Variants in PHACTR2 observed in about 807,000 individuals in gnomAD.
PHACTR2 encodes the protein phosphatase and actin regulator 2.
A neutral mutation model predicts 76.0 loss-of-function variants in PHACTR2; 30 were observed. The ratio of observed to expected loss-of-function variants is 0.39; its 90% CI spans 0.30 to 0.54. The LOEUF is 0.54. Among genes scored for constraint, PHACTR2 ranks in the 20% least tolerant of loss-of-function variants. The pLI is 0.61. For missense variants in PHACTR2, 696 were observed against 781.1 expected (o/e 0.89, Z 1.30); for synonymous variants, 292 against 292.5 (o/e 1.00, Z 0.02).
rs1051522186 is a variant in PHACTR2 at position 143,751,515 on chromosome 6, G to A, written c.296-2239G>A. The stretch of plus-strand genomic sequence containing the variant: ...TGTCACTTGCCTTTTGGTCATACAT[G>A]ATTTTCTCTTTCTATCTGTCCCTCC... On this transcript the variant is annotated intron_variant, in intron 3 of 12. Transcript: ENST00000440869. This position sits in a 1 kb window ranked among gnomAD's most constrained non-coding sequence, Gnocchi z 5.7. Among the ~76,000 whole-genome samples the A allele has an allele frequency of 2.6e-5, 4 of 151,978 alleles. No homozygotes were observed. Among genetic ancestry groups the A allele is most frequent in the Admixed American group, 6.6e-5 (1 of 15,248 alleles).
At chr6:143,701,089 G>A (rs764023928) in intron 1 of PHACTR2, among the ~76,000 whole-genome samples, 4 of 152,166 alleles carry the variant, frequency 2.6e-5, no homozygotes, top group African/African-American at 4.8e-5. Flanking sequence ...AAATAAGAGC[G>A]ACTTTATTTA....
intron 1 of PHACTR2, among the ~76,000 whole-genome samples, chr6:143,576,160 T>C (rs1775504475): frequency 6.6e-6 from 1 of 152,262 alleles, no homozygotes; most frequent in Non-Finnish European, 1.5e-5. Context: ...CACATTAGAT[T>C]ACTCTTTGTG....
chr6:143,817,900 T>C (rs564908617), intron 12 of PHACTR2, among the ~76,000 whole-genome samples: 2 of 152,236 alleles, frequency 1.3e-5, no homozygotes, highest in African/African-American at 4.8e-5. Context: ...TACAGCTAGA[T>C]GGGTGGAATA....
chr6:143,753,772 A>T lies in PHACTR2; in HGVS notation c.314A>T (p.Asn105Ile). The change falls in exon 4 of 13, where the codon AAC becomes ATC. Residue 105 changes from asparagine (N) to isoleucine (I), a missense_variant. Asn to Ile is a moderately radical substitution (Grantham distance 149). Coordinates refer to ENST00000440869, the MANE Select transcript of PHACTR2 (RefSeq NM_001100164.2). The surrounding 1 kb of genome is among the most constrained non-coding windows in gnomAD (Gnocchi z 4.6). ...ATTTTAGATGGAGATGTAACAGTTA[A>T]CTTTGAAAATTCAAACGGGCACATG... ...LPDQDGDVTV[N>I]FENSNGHMIP... is the part of the protein sequence containing the mutation. 6.3e-7 allele frequency: 1 copy of T among 1,599,198 alleles called. No individual in the cohort carries two copies. The highest frequency in any genetic ancestry group is 8.5e-7 in the Non-Finnish European group (1 of 1,175,940).
intron 1 of PHACTR2, among the ~76,000 whole-genome samples, chr6:143,552,631 C>T (rs1457681967): frequency 7.2e-5 from 11 of 152,046 alleles, no homozygotes; most frequent in East Asian, 1.9e-4. Context: ...AGGCTGGATG[C>T]GGTGGCTCAT....
chr6:143,635,827 G>T, intron 1 of PHACTR2, among the ~76,000 whole-genome samples: 1 of 152,078 alleles, frequency 6.6e-6, no homozygotes, highest in Admixed American at 6.5e-5. Context: ...ATGTAAATAA[G>T]AAAGCTTTTC....
In PHACTR2 at chr6:143,829,777, T is replaced by G. The variant is rs140308451; in HGVS notation, c.*6088T>G. The G allele has an allele frequency of 6.6e-6, 1 of 152,358 alleles. No homozygotes were observed. The highest frequency in any genetic ancestry group is 1.9e-4 in the East Asian group (1 of 5,192). 9.4% of individuals were successfully genotyped at this position (152,358 alleles called of 1,614,324 possible). A position where few individuals can be genotyped will look rare whatever the true frequency, so the allele number is the denominator to read the frequency against. On this transcript the variant is annotated 3_prime_UTR_variant, in exon 13 of 13. Transcript: ENST00000440869. ...AACATTAAAGTTTCTAAATTGTTTT[T>G]GGGGCCGAGTAACGCAGAGTCAATA...
In PHACTR2 at chr6:143,549,347, C is replaced by T. The variant is rs553155417; in HGVS notation, c.217+12140C>T. ...GTGACCCTGGATTCAGAGGCCTGCT[C>T]GGGGTGCGGGATGGCATTCCTTTGG... On this transcript the variant is annotated intron_variant, in intron 1 of 11. Coordinates refer to the PHACTR2 transcript ENST00000367584. This position sits in a 1 kb window ranked among gnomAD's most constrained non-coding sequence, Gnocchi z 4.2. Among the ~76,000 whole-genome samples, 13 of 152,142 alleles carry T rather than the reference C, an allele frequency of 8.5e-5. No homozygotes were observed. The highest frequency in any genetic ancestry group is 2.9e-4 in the African/African-American group (12 of 41,508).
rs1160697608 is a variant in PHACTR2 at position 143,581,762 on chromosome 6, G to A, written c.217+44555G>A. ...AGGAGGATCACCTGAGCCTGGGAAA[G>A]TCGAGGCTGCAGTGAGCCATGATCA... On this transcript the variant is annotated intron_variant, in intron 1 of 11. Coordinates refer to the PHACTR2 transcript ENST00000367584. This position sits in a 1 kb window ranked among gnomAD's most constrained non-coding sequence, Gnocchi z 4.5. Among the ~76,000 whole-genome samples the A allele has an allele frequency of 1.3e-5, 2 of 152,070 alleles. No homozygotes were observed. Among genetic ancestry groups the A allele is most frequent in the Non-Finnish European group, 1.5e-5 (1 of 68,010 alleles).
chr6:143,568,371 T>C (rs1412736203), intron 1 of PHACTR2, among the ~76,000 whole-genome samples: 3 of 152,208 alleles, frequency 2.0e-5, no homozygotes, highest in Non-Finnish European at 2.9e-5. Context: ...AATAAGGTGT[T>C]AATGTCTATC....
chr6:143,783,376 A>G lies in PHACTR2; in HGVS notation c.1707+96A>G, dbSNP rs778339625. The G allele has an allele frequency of 3.4e-5, 24 of 699,754 alleles. No individual in the cohort carries two copies. The African/African-American group carries it at 4.0e-4, about 12-fold the overall frequency. The allele number at this position is 699,754 out of a possible 1,614,324, so 43.3% of individuals were successfully genotyped here. ...CTCTGTATGTGTAAATCAGATGTTT[A>G]GAAATAATTATTCCTATTAGTCTAT... On this transcript the variant is annotated intron_variant, in intron 10 of 12. Coordinates refer to ENST00000440869, the MANE Select transcript of PHACTR2 (RefSeq NM_001100164.2). The surrounding 1 kb of genome is among the most constrained non-coding windows in gnomAD (Gnocchi z 5.2).
chr6:143,562,247 A>C lies in PHACTR2; in HGVS notation c.217+25040A>C, dbSNP rs991881987. Among the ~76,000 whole-genome samples the C allele has an allele frequency of 5.9e-5, 9 of 152,166 alleles. No individual in the cohort carries two copies. Among genetic ancestry groups the C allele is most frequent in the Non-Finnish European group, 1.3e-4 (9 of 68,036 alleles). ...GGTAATTTAGAAAGAAAAGAGGTTT[A>C]ATTAGCTCACAGTTCTGCAGGCTGT... On this transcript the variant is annotated intron_variant, in intron 1 of 11. Transcript: ENST00000367584. This position sits in a 1 kb window ranked among gnomAD's most constrained non-coding sequence, Gnocchi z 5.1.
chr6:143,773,667 C>A (rs372766008), intron 7 of PHACTR2, among the ~76,000 whole-genome samples: 8 of 152,018 alleles, frequency 5.3e-5, no homozygotes, highest in African/African-American at 1.7e-4. Flanking sequence ...AAGGAGGAGA[C>A]AAGGATTAAC....
intron 1 of PHACTR2, among the ~76,000 whole-genome samples, chr6:143,582,907 G>C (rs1224677872): frequency 6.6e-6 from 1 of 151,942 alleles, no homozygotes; most frequent in Non-Finnish European, 1.5e-5. Flanking sequence ...CAGTTGTATT[G>C]AAAGAAAAAA....
chr6:143,817,418 C>A (rs1053867252), intron 12 of PHACTR2, among the ~76,000 whole-genome samples: 2 of 152,166 alleles, frequency 1.3e-5, no homozygotes, highest in African/African-American at 4.8e-5. Context: ...GTTGTCAGGG[C>A]TCCCTGGGTT....
chr6:143,749,066 G>A lies in PHACTR2; in HGVS notation c.295+1G>A, dbSNP rs777929527. ...GTGCTTAAGGAATTGCCTGATCAAG[G>A]TGAGGAAATTAATCATACATTTTAA... On this transcript the variant is annotated splice_donor_variant, in intron 3 of 12. Transcript: ENST00000440869. LOFTEE classifies it high-confidence loss of function. 2 of 1,486,470 alleles carry A rather than the reference G, an allele frequency of 1.3e-6. No homozygotes were observed. Among genetic ancestry groups the A allele is most frequent in the Non-Finnish European group, 1.9e-6 (2 of 1,065,124 alleles). The allele number at this position is 1,486,470 out of a possible 1,614,324, so 92.1% of individuals were successfully genotyped here.
chr6:143,629,823 G>A (rs1216691634), intron 1 of PHACTR2, among the ~76,000 whole-genome samples: 4 of 152,134 alleles, frequency 2.6e-5, no homozygotes, highest in East Asian at 1.9e-4. Context: ...TGAAAGGAGC[G>A]GTCAGGGTGC....
intron 11 of PHACTR2, among the ~76,000 whole-genome samples, chr6:143,798,877 G>A (rs574071866): frequency 1.3e-5 from 2 of 152,290 alleles, no homozygotes; most frequent in African/African-American, 4.8e-5. Context: ...CCAGGCTTTG[G>A]TATCAGGATG....
chr6:143,784,959 G>C lies in PHACTR2; in HGVS notation c.1707+1679G>C, dbSNP rs1483673784. On this transcript the variant is annotated intron_variant, in intron 10 of 12. Coordinates refer to ENST00000440869, the MANE Select transcript of PHACTR2 (RefSeq NM_001100164.2). This position sits in a 1 kb window ranked among gnomAD's most constrained non-coding sequence, Gnocchi z 4.5. ...GGGAATTCTGGGAGATACAATTCAA[G>C]TTGAGATTTGGGTGGGGACACAGCC... Among the ~76,000 whole-genome samples the C allele has an allele frequency of 6.6e-6, 1 of 152,168 alleles. No homozygotes were observed. Among genetic ancestry groups the C allele is most frequent in the African/African-American group, 2.4e-5 (1 of 41,444 alleles).
Sources: gnomAD v4.1 joint callset for allele counts (sites outside exome capture counted in the v4.1 genomes callset) on GRCh38, gnomAD v4.1.1 for gene constraint, Gnocchi (gnomAD v3.1) non-coding constraint, MANE v1.5 for transcripts, NCBI Gene and HGNC (gene_info 2026-07-23, HGNC 2026-07-21) for gene names.